The following LPP variants were observed in gnomAD, a reference collection of about 807,000 sequenced individuals.
The protein encoded by LPP is LIM domain containing preferred translocation partner in lipoma.
In LPP, 38 loss-of-function variants were observed where a neutral mutation model predicts 60.4. That is an observed-to-expected ratio of 0.63 (90% CI 0.49 to 0.83). The LOEUF is 0.83. Among genes scored for constraint, LPP ranks in the 40% least tolerant of loss-of-function variants. The probability of loss-of-function intolerance (pLI) is 0.00; values close to 1 mark genes in which losing one functional copy is unlikely to be tolerated. For missense variants in LPP, 902 were observed against 783.6 expected, an observed-to-expected ratio of 1.15 and a Z score of -1.80; for synonymous variants, 328 against 290.8, an observed-to-expected ratio of 1.13 and a Z score of -1.30.
At chr3:188,715,375 T>C (rs1713460882) in intron 8 of LPP, among the ~76,000 whole-genome samples, 1 of 26,180 alleles carries the variant, frequency 3.8e-5, no homozygotes. Context: ...AGACTCCGTC[T>C]CAAAAAAAAA....
At chr3:188,335,082 T>C (rs930306013) in intron 2 of LPP, among the ~76,000 whole-genome samples, 1 of 152,192 alleles carries the variant, frequency 6.6e-6, no homozygotes, top group African/African-American at 2.4e-5. Flanking sequence ...TGAATAAAAG[T>C]GGTAAAAGTG....
At chr3:188,534,363 T>G (rs1026503786) in intron 6 of LPP, among the ~76,000 whole-genome samples, 2 of 152,254 alleles carry the variant, frequency 1.3e-5, no homozygotes, top group Admixed American at 1.3e-4. Context: ...CAAAGCTGCC[T>G]GTTGAGTTTC....
intron 5 of LPP, among the ~76,000 whole-genome samples, chr3:188,522,825 G>C (rs28699045): frequency 7.1e-6 from 1 of 140,062 alleles, no homozygotes. Context: ...ATGTGTATGT[G>C]TGTGTGTATG....
intron 3 of LPP, among the ~76,000 whole-genome samples, chr3:188,400,989 A>G (rs916225249): frequency 6.6e-6 from 1 of 152,202 alleles, no homozygotes; most frequent in African/African-American, 2.4e-5. Flanking sequence ...TGTAATGAAG[A>G]TTTTAGAGAA....
intron 4 of LPP, among the ~76,000 whole-genome samples, chr3:188,481,688 A>G (rs1345508349): frequency 6.6e-6 from 1 of 152,138 alleles, no homozygotes. Context: ...GAACCTTTCC[A>G]ATTTTGTGGG....
chr3:188,687,647 G>A (rs1056058590), intron 7 of LPP, among the ~76,000 whole-genome samples: 1 of 152,028 alleles, frequency 6.6e-6, no homozygotes, highest in African/African-American at 2.4e-5. Context: ...CATTCTCAGG[G>A]AAGTTTTTTA....
chr3:188,738,315 A>G (rs1451834066), intron 8 of LPP, among the ~76,000 whole-genome samples: 1 of 152,178 alleles, frequency 6.6e-6, no homozygotes, highest in African/African-American at 2.4e-5. Context: ...AAAGCTCTTC[A>G]TATGTGTTGC....
intron 9 of LPP, among the ~76,000 whole-genome samples, chr3:188,807,979 C>T (rs1048194385): frequency 9.9e-5 from 15 of 152,278 alleles, no homozygotes; most frequent in East Asian, 1.9e-4. Context: ...ATATATTTCA[C>T]ACCTGTAAAT....
chr3:188,448,144 G>A (rs758521105), intron 4 of LPP, among the ~76,000 whole-genome samples: 8 of 152,128 alleles, frequency 5.3e-5, no homozygotes, highest in Non-Finnish European at 7.4e-5. Flanking sequence ...AATTTGGGAT[G>A]TTCATTAGGA....
rs181684065 is a variant in LPP, at chr3:188,760,032, A to T, written c.1241-81A>T. On this transcript the variant is annotated intron_variant, in intron 8 of 11. Transcript: ENST00000617246. Reference sequence around the variant, plus strand: ...TGGTTCTATTGCTGCTGACGTTATGAACCTGCTTTCTCCTCCACTTTGGCT... The same window carrying T: ...TGGTTCTATTGCTGCTGACGTTATGTACCTGCTTTCTCCTCCACTTTGGCT... 3.9e-4 allele frequency: 496 copies of T among 1,258,764 alleles called. 2 individuals carry two copies. The highest frequency in any genetic ancestry group is 1.3e-3 in the East Asian group (56 of 42,284). 78.0% of individuals were successfully genotyped at this position (1,258,764 alleles called of 1,614,324 possible). A position where few individuals can be genotyped will look rare whatever the true frequency, so the allele number is the denominator to read the frequency against.
rs111744628 is a variant in LPP at position 188,527,020 on chromosome 3, G to A, written c.429+2233G>A. ...AGGGGTGAGTGGAATTGTATCGTTC[G>A]AGACAGCAGCAGGGAGTAGCCTGAG... On this transcript the variant is annotated intron_variant, in intron 6 of 11. Coordinates refer to ENST00000617246, the MANE Select transcript of LPP (RefSeq NM_001375462.1). Among the ~76,000 whole-genome samples the A allele has an allele frequency of 4.3e-3, 660 of 152,192 alleles. 2 individuals carry two copies. The highest frequency in any genetic ancestry group is 0.015 in the African/African-American group (630 of 41,534).
chr3:188,794,524 G>A (rs1041000136), intron 9 of LPP, among the ~76,000 whole-genome samples: 1 of 152,110 alleles, frequency 6.6e-6, no homozygotes, highest in East Asian at 1.9e-4. Context: ...GCAAGAAGGG[G>A]CAAATAGAAA....
At position 188,772,470 on chromosome 3, in the gene LPP, G is replaced by A. The variant is rs973244615; in HGVS notation, c.1410+12188G>A. ...ACCCCTTGAAGACTGTGCGGGGTGC[G>A]GGGAGGTCACCCTTTTTTCTTTTCT... is the stretch of plus-strand genomic sequence containing the variant. On this transcript the variant is annotated intron_variant, in intron 9 of 11. Coordinates refer to ENST00000617246, the MANE Select transcript of LPP (RefSeq NM_001375462.1). 5.9e-5 allele frequency among the ~76,000 whole-genome samples: 9 copies of A among 152,002 alleles called. No individual in the cohort carries two copies. In the East Asian group the frequency reaches 7.7e-4, roughly 13 times the overall value.
intron 9 of LPP, among the ~76,000 whole-genome samples, chr3:188,783,371 G>A (rs1740457221): frequency 6.6e-6 from 1 of 152,152 alleles, no homozygotes; most frequent in African/African-American, 2.4e-5. Flanking sequence ...ATACTAAGCA[G>A]CCATAAAAAA....
chr3:188,699,893 A>G (rs1864036665), intron 7 of LPP, among the ~76,000 whole-genome samples: 1 of 152,214 alleles, frequency 6.6e-6, no homozygotes, highest in Admixed American at 6.5e-5. Flanking sequence ...AAAAAGTAGA[A>G]GCAGCCACAG....
chr3:188,814,785 C>A, intron 9 of LPP, among the ~76,000 whole-genome samples: 1 of 152,164 alleles, frequency 6.6e-6, no homozygotes, highest in Non-Finnish European at 1.5e-5. Context: ...CATGTGTCAC[C>A]CACTGTGGGA....
At chr3:188,168,895 C>G (rs1436989336) in intron 1 of LPP, among the ~76,000 whole-genome samples, 1 of 152,228 alleles carries the variant, frequency 6.6e-6, no homozygotes, top group African/African-American at 2.4e-5. Flanking sequence ...TAACATTCAG[C>G]AAACTATCTT....
intron 2 of LPP, among the ~76,000 whole-genome samples, chr3:188,314,673 T>C (rs551818694): frequency 5.5e-4 from 83 of 151,962 alleles, no homozygotes; most frequent in Non-Finnish European, 8.8e-4. Context: ...ATACAAAAAT[T>C]AGCTGGGCAT....
intron 9 of LPP, among the ~76,000 whole-genome samples, chr3:188,776,164 T>C (rs1199823981): frequency 1.3e-5 from 2 of 152,174 alleles, no homozygotes; most frequent in South Asian, 2.1e-4. Flanking sequence ...TAATCCAACT[T>C]ATCTGTGAGA....
Sources: allele counts gnomAD v4.1 joint callset (sites outside exome capture counted in the v4.1 genomes callset), GRCh38; gene constraint gnomAD v4.1.1; transcripts MANE v1.5; gene names NCBI Gene and HGNC (gene_info 2026-07-23, HGNC 2026-07-21).